The following WDR27 variants were observed in gnomAD, a reference collection of about 807,000 sequenced individuals.
The protein encoded by WDR27 is WD repeat domain 27.
A neutral mutation model predicts 114.4 loss-of-function variants in WDR27; 100 were observed. The ratio of observed to expected loss-of-function variants is 0.87; its 90% CI spans 0.74 to 1.03. The LOEUF is 1.03. Among genes scored for constraint, WDR27 ranks in the 50% least tolerant of loss-of-function variants. The pLI is 0.00. For missense variants in WDR27, 1,129 were observed against 1,092.9 expected (o/e 1.03, Z -0.47); for synonymous variants, 449 against 423.1 (o/e 1.06, Z -0.75).
intron 25 of WDR27, among the ~76,000 whole-genome samples, chr6:169,486,661 T>A (rs1455731352): frequency 6.6e-6 from 1 of 152,098 alleles, no homozygotes; most frequent in African/African-American, 2.4e-5. Flanking sequence ...CCAGCTAATT[T>A]TCATATTTTT....
At chr6:169,532,776 G>C (rs1004730779) in intron 25 of WDR27, among the ~76,000 whole-genome samples, 2 of 151,542 alleles carry the variant, frequency 1.3e-5, no homozygotes, top group Admixed American at 6.6e-5. Flanking sequence ...GCAACCTCTG[G>C]CTTCTGGCAG....
At chr6:169,583,644 C>T (rs2128142583) in intron 23 of WDR27, among the ~76,000 whole-genome samples, 1 of 151,660 alleles carries the variant, frequency 6.6e-6, no homozygotes, top group African/African-American at 2.4e-5. Context: ...ATGAGATAAT[C>T]ATTAAGTAAC....
intron 24 of WDR27, among the ~76,000 whole-genome samples, chr6:169,577,660 CCACGGAACTGCAGTCGGG>C (rs1425995896): frequency 1.3e-5 from 2 of 152,238 alleles, no homozygotes; most frequent in Non-Finnish European, 2.9e-5. Context: ...AGCCTCCCCA[CCACGGAACTGCAGTCGGG>C]AAACCGGCCT....
the WDR27 span, among the ~76,000 whole-genome samples, chr6:169,447,161 T>G: frequency 6.6e-6 from 1 of 152,238 alleles, no homozygotes; most frequent in African/African-American, 2.4e-5. Flanking sequence ...TTAGGATTCA[T>G]ATTATAGCAC....
At chr6:169,677,792 G>C (rs560949303) in intron 2 of WDR27, among the ~76,000 whole-genome samples, 1 of 152,228 alleles carries the variant, frequency 6.6e-6, no homozygotes, top group Non-Finnish European at 1.5e-5. Flanking sequence ...CACTGCTCCC[G>C]TCTCCAGCTC....
chr6:169,550,113 G>A (rs1404870423), intron 25 of WDR27, among the ~76,000 whole-genome samples: 1 of 152,096 alleles, frequency 6.6e-6, no homozygotes, highest in Admixed American at 6.5e-5. Context: ...AGGGACAGGG[G>A]GCCAGGAGGC....
chr6:169,653,248 G>A (rs1478633405), intron 13 of WDR27, among the ~76,000 whole-genome samples: 1 of 152,106 alleles, frequency 6.6e-6, no homozygotes, highest in Non-Finnish European at 1.5e-5. Flanking sequence ...ATTAATATTG[G>A]TTAGTCAAGG....
intron 19 of WDR27, among the ~76,000 whole-genome samples, chr6:169,635,688 T>C (rs914574844): frequency 1.3e-5 from 2 of 152,236 alleles, no homozygotes; most frequent in South Asian, 4.1e-4. Flanking sequence ...GCAGATGCAG[T>C]GCCCATTCCG....
At chr6:169,497,556 CAAA>C (rs35202332) in intron 25 of WDR27, among the ~76,000 whole-genome samples, 102 of 145,448 alleles carry the variant, frequency 7.0e-4, no homozygotes, top group Non-Finnish European at 9.6e-4. Context: ...CCTAAAACTA[CAAA>C]AAAAAAAAAA....
chr6:169,605,663 A>G (rs895307194), intron 22 of WDR27, among the ~76,000 whole-genome samples: 1 of 151,926 alleles, frequency 6.6e-6, no homozygotes, highest in African/African-American at 2.4e-5. Context: ...GTAATCCTAA[A>G]TAAAAAGAAC....
intron 23 of WDR27, among the ~76,000 whole-genome samples, chr6:169,600,670 C>A (rs919326776): frequency 6.6e-6 from 1 of 152,166 alleles, no homozygotes; most frequent in Non-Finnish European, 1.5e-5. Flanking sequence ...GACGAATGCA[C>A]AAGCCTCAGT....
intron 24 of WDR27, among the ~76,000 whole-genome samples, chr6:169,577,106 G>C (rs1035210661): frequency 2.0e-5 from 3 of 148,918 alleles, no homozygotes; most frequent in African/African-American, 7.4e-5. Context: ...AAAGAGTTAC[G>C]TGGGCCACAA....
Position 169,662,917 on chromosome 6 carries a change from G to A in WDR27, c.905-493C>T, listed in dbSNP as rs140522262. Among the ~76,000 whole-genome samples the A allele has an allele frequency of 4.6e-3, 674 of 145,934 alleles. 5 individuals carry two copies. Among genetic ancestry groups the A allele is most frequent in the Non-Finnish European group, 7.3e-3 (484 of 66,408 alleles). ...ACTAAGGTAACACCCAGCATGATGCGTGTGCACCGCGGAGCATTCAGATCA... is the reference window on the plus strand; with the variant it reads ...ACTAAGGTAACACCCAGCATGATGCATGTGCACCGCGGAGCATTCAGATCA... On this transcript the variant is annotated intron_variant, in intron 8 of 25. Coordinates refer to ENST00000448612, the MANE Select transcript of WDR27 (RefSeq NM_182552.5).
chr6:169,571,310 A>G (rs1801385589), intron 25 of WDR27, among the ~76,000 whole-genome samples: 1 of 152,260 alleles, frequency 6.6e-6, no homozygotes, highest in African/African-American at 2.4e-5. Context: ...CTGGAGATTT[A>G]AAGTTTCCCA....
chr6:169,508,435 G>C (rs534543992), intron 25 of WDR27, among the ~76,000 whole-genome samples: 1 of 152,314 alleles, frequency 6.6e-6, no homozygotes, highest in Non-Finnish European at 1.5e-5. Context: ...GGCTAGAAGA[G>C]ATGTTCAAGA....
At chr6:169,476,153 C>A (rs937749939) in intron 25 of WDR27, among the ~76,000 whole-genome samples, 1 of 152,064 alleles carries the variant, frequency 6.6e-6, no homozygotes, top group African/African-American at 2.4e-5. Flanking sequence ...GGTCTCAAAC[C>A]CCTTGTGGCC....
At chr6:169,557,042 C>G (rs541792063) in intron 25 of WDR27, among the ~76,000 whole-genome samples, 12 of 152,270 alleles carry the variant, frequency 7.9e-5, no homozygotes, top group African/African-American at 2.9e-4. Context: ...CAACTGCACT[C>G]GTGTCTCTCG....
chr6:169,681,133 T>A (rs1026644115), intron 2 of WDR27, among the ~76,000 whole-genome samples: 13 of 152,168 alleles, frequency 8.5e-5, no homozygotes, highest in African/African-American at 3.1e-4. Context: ...AAAAATAACC[T>A]AAATTCCCAC....
At position 169,688,648 on chromosome 6, in the gene WDR27, A is replaced by G. The variant is rs191733134; in HGVS notation, c.189+169T>C. Among the ~76,000 whole-genome samples, 44 of 152,126 alleles carry G rather than the reference A, an allele frequency of 2.9e-4. No individual in the cohort carries two copies. The East Asian group carries it at 4.4e-3, about 15-fold the overall frequency. On this transcript the variant is annotated intron_variant, in intron 2 of 25. Coordinates refer to ENST00000448612, the MANE Select transcript of WDR27 (RefSeq NM_182552.5). ...TAAATATAAAAATATTATAAAATACATGAAAGTAAATTTAAAAATAAAAAA... is the reference window on the plus strand; with the variant it reads ...TAAATATAAAAATATTATAAAATACGTGAAAGTAAATTTAAAAATAAAAAA...
Sources: gnomAD v4.1 joint callset for allele counts (sites outside exome capture counted in the v4.1 genomes callset) on GRCh38, gnomAD v4.1.1 for gene constraint, MANE v1.5 for transcripts, NCBI Gene and HGNC (gene_info 2026-07-23, HGNC 2026-07-21) for gene names.